ATG10: variants seen among roughly 807,000 people sequenced by gnomAD.
The protein encoded by ATG10 is autophagy related 10.
In ATG10, 30 loss-of-function variants were observed where a neutral mutation model predicts 32.1. The ratio of observed to expected loss-of-function variants is 0.94; its 90% confidence interval spans 0.70 to 1.27. The LOEUF (loss-of-function observed/expected upper bound fraction) is 1.27, where lower values mean the gene tolerates loss of function less well. Among genes scored for constraint, ATG10 ranks in the 50% most tolerant of loss-of-function variants. ATG10 has a pLI of 0.00. For synonymous variants in ATG10, 87 were observed against 91.5 expected (o/e 0.95, Z 0.28); for missense variants, 233 against 262.3 (o/e 0.89, Z 0.77).
rs1389912818 is a variant in ATG10 at position 81,985,212 on chromosome 5, TACTA to T, written c.-12-2345_-12-2342del. Among the ~76,000 whole-genome samples, 9 of 152,248 alleles carry T rather than the reference TACTA, an allele frequency of 5.9e-5. No individual in the cohort carries two copies. The South Asian group carries it at 6.2e-4, about 10-fold the overall frequency. On this transcript the variant is annotated intron_variant, in intron 1 of 7. Transcript: ENST00000282185. ...GAGTTTGTTGGAGTTTTAAAAATAT[TACTA>T]AGTATATTAGTGTTCTTTATGAATG...
At chr5:82,172,290 C>T (rs1055704285) in intron 4 of ATG10, among the ~76,000 whole-genome samples, 8 of 152,142 alleles carry the variant, frequency 5.3e-5, no homozygotes, top group Admixed American at 3.3e-4. Flanking sequence ...TGGTGAAAAG[C>T]GCATGGTCTA....
intron 5 of ATG10, among the ~76,000 whole-genome samples, chr5:82,238,723 C>A (rs1163290897): frequency 1.3e-5 from 2 of 152,044 alleles, no homozygotes; most frequent in African/African-American, 4.8e-5. Flanking sequence ...TGGAATCTTA[C>A]CCACAATAAG....
At chr5:82,046,051 A>G (rs190541541) in intron 2 of ATG10, among the ~76,000 whole-genome samples, 1 of 151,976 alleles carries the variant, frequency 6.6e-6, no homozygotes, top group Admixed American at 6.6e-5. Flanking sequence ...AATCTGGCCT[A>G]TTGTCCCCAG....
chr5:82,112,176 C>T (rs990231461), intron 3 of ATG10, among the ~76,000 whole-genome samples: 1 of 151,880 alleles, frequency 6.6e-6, no homozygotes, highest in Admixed American at 6.6e-5. Flanking sequence ...GCTGTTAGAT[C>T]ATTTCTTCCT....
At chr5:82,118,214 A>C (rs778131756) in intron 3 of ATG10, among the ~76,000 whole-genome samples, 1 of 150,126 alleles carries the variant, frequency 6.7e-6, no homozygotes, top group Non-Finnish European at 1.5e-5. Flanking sequence ...ATGTGTAATT[A>C]ATAGAAAAAA....
At chr5:82,175,239 C>T (rs551136468) in intron 4 of ATG10, among the ~76,000 whole-genome samples, 2 of 152,256 alleles carry the variant, frequency 1.3e-5, no homozygotes, top group South Asian at 4.2e-4. Context: ...TTTGCCAGGC[C>T]TCATTGGGAT....
At chr5:82,074,248 A>C (rs189196834) in intron 3 of ATG10, among the ~76,000 whole-genome samples, 143 of 152,348 alleles carry the variant, frequency 9.4e-4, no homozygotes, top group Non-Finnish European at 1.6e-3. Flanking sequence ...TTCTTTACCC[A>C]AAGTAGAATA....
intron 2 of ATG10, among the ~76,000 whole-genome samples, chr5:82,024,483 GT>G (rs1343074270): frequency 6.6e-6 from 1 of 152,128 alleles, no homozygotes; most frequent in Non-Finnish European, 1.5e-5. Flanking sequence ...TAATTTGTAT[GT>G]TTTGGATTTT....
At chr5:82,002,988 G>A (rs1761892243) in intron 2 of ATG10, among the ~76,000 whole-genome samples, 1 of 152,122 alleles carries the variant, frequency 6.6e-6, no homozygotes, top group African/African-American at 2.4e-5. Flanking sequence ...TAAGAACACA[G>A]TATTTTGACT....
chr5:82,042,079 A>C (rs1411574326), intron 2 of ATG10, among the ~76,000 whole-genome samples: 1 of 152,106 alleles, frequency 6.6e-6, no homozygotes, highest in Admixed American at 6.5e-5. Context: ...CATTCATCAC[A>C]CTGCTGTAAA....
intron 3 of ATG10, among the ~76,000 whole-genome samples, chr5:82,086,295 A>G (rs1164230423): frequency 1.3e-5 from 2 of 152,236 alleles, no homozygotes; most frequent in East Asian, 3.8e-4. Context: ...GGTTACTGTT[A>G]TTAATAAGCC....
At chr5:81,984,183 G>T (rs994181191) in intron 1 of ATG10, among the ~76,000 whole-genome samples, 1 of 152,254 alleles carries the variant, frequency 6.6e-6, no homozygotes, top group Admixed American at 6.5e-5. Context: ...CCGGCACCTC[G>T]GGAGGCCGAG....
At chr5:82,229,560 A>G (rs1409659877) in intron 5 of ATG10, among the ~76,000 whole-genome samples, 7 of 152,200 alleles carry the variant, frequency 4.6e-5, no homozygotes, top group Non-Finnish European at 8.8e-5. Flanking sequence ...TTTACACTTA[A>G]TATCATTTTT....
intron 2 of ATG10, among the ~76,000 whole-genome samples, chr5:82,029,987 C>T (rs1000371057): frequency 3.9e-5 from 6 of 152,256 alleles, no homozygotes; most frequent in Middle Eastern, 3.4e-3. Context: ...TGGATATCAA[C>T]TCAGGCAGTT....
At chr5:81,980,125 C>T (rs1029569177) in intron 1 of ATG10, among the ~76,000 whole-genome samples, 1 of 152,010 alleles carries the variant, frequency 6.6e-6, no homozygotes, top group Non-Finnish European at 1.5e-5. Context: ...TTTGAATTTC[C>T]TTCCAGTTTT....
chr5:82,088,727 A>C (rs1764774812), intron 3 of ATG10, among the ~76,000 whole-genome samples: 1 of 152,116 alleles, frequency 6.6e-6, no homozygotes. Context: ...TATTCTCAGC[A>C]CCTCTGCCTT....
chr5:82,123,141 A>ATCTGTAT (rs1766114442), intron 3 of ATG10, among the ~76,000 whole-genome samples: 1 of 152,252 alleles, frequency 6.6e-6, no homozygotes, highest in Non-Finnish European at 1.5e-5. Context: ...AGGATAAAGA[A>ATCTGTAT]GATGTAGTAC....
intron 2 of ATG10, among the ~76,000 whole-genome samples, chr5:81,999,049 A>G (rs1397608478): frequency 2.6e-5 from 4 of 151,912 alleles, no homozygotes; most frequent in African/African-American, 9.7e-5. Context: ...CATCTACAGA[A>G]TGCTGTACCC....
At chr5:82,204,519 A>C (rs1233308576) in intron 5 of ATG10, among the ~76,000 whole-genome samples, 4 of 152,248 alleles carry the variant, frequency 2.6e-5, no homozygotes, top group African/African-American at 2.4e-5. Context: ...TTAATGAGAA[A>C]ACAAATTTTT....
Sources: gnomAD v4.1 joint callset for allele counts (sites outside exome capture counted in the v4.1 genomes callset) on GRCh38, gnomAD v4.1.1 for gene constraint, MANE v1.5 for transcripts, NCBI Gene and HGNC (gene_info 2026-07-23, HGNC 2026-07-21) for gene names.